Variants in ARFGEF1 observed in about 807,000 individuals in gnomAD.
ARFGEF1 encodes brefeldin A-inhibited guanine nucleotide-exchange protein 1.
Under a neutral mutation model 231.0 loss-of-function variants are expected in ARFGEF1, and 42 were observed. The observed-to-expected ratio is 0.18, with a 90% CI of 0.14 to 0.24. The LOEUF (loss-of-function observed/expected upper bound fraction) is 0.24. Ranked by LOEUF, ARFGEF1 falls within the 10% of genes least tolerant of loss-of-function variation. The pLI is 1.00. For missense variants in ARFGEF1, 1,345 were observed against 2,192.0 expected (o/e 0.61, Z 7.72); for synonymous variants, 710 against 732.3 (o/e 0.97, Z 0.49).
chr8:67,299,788 G>C (rs1419369952), intron 3 of ARFGEF1, among the ~76,000 whole-genome samples: 1 of 152,050 alleles, frequency 6.6e-6, no homozygotes, highest in Non-Finnish European at 1.5e-5. Flanking sequence ...TGGCAACACA[G>C]GGAAAGCCCA....
chr8:67,302,387 C>T (rs1333748718), intron 2 of ARFGEF1, 49 bp downstream of exon 2: 1 of 1,485,094 alleles, frequency 6.7e-7, no homozygotes, highest in Non-Finnish European at 9.1e-7. Context: ...TTGACCAAGA[C>T]TGACAAGTTT....
At chr8:67,277,965 T>C (rs972811868) in intron 7 of ARFGEF1, among the ~76,000 whole-genome samples, 1 of 152,054 alleles carries the variant, frequency 6.6e-6, no homozygotes, top group African/African-American at 2.4e-5. Flanking sequence ...AGAATTCCTA[T>C]GAATATCTCT....
At chr8:67,222,937 A>G (rs1212670522) in intron 29 of ARFGEF1, among the ~76,000 whole-genome samples, 3 of 152,202 alleles carry the variant, frequency 2.0e-5, no homozygotes, top group Admixed American at 6.5e-5. Context: ...AGCTGCCTAC[A>G]GTACAGTAAC....
intron 22 of ARFGEF1, among the ~76,000 whole-genome samples, chr8:67,236,365 A>AAAAT (rs1554638966): frequency 3.1e-4 from 9 of 29,062 alleles, no homozygotes; most frequent in Non-Finnish European, 4.2e-4. Context: ...AAAAAAAAAA[A>AAAAT]ATATATATAT....
intron 1 of ARFGEF1, among the ~76,000 whole-genome samples, chr8:67,312,986 G>T (rs930002471): frequency 6.6e-6 from 1 of 152,164 alleles, no homozygotes; most frequent in Non-Finnish European, 1.5e-5. Flanking sequence ...CCACATAAAT[G>T]CATGAAAATG....
At position 67,201,616 on chromosome 8, in the gene ARFGEF1, G is replaced by A; in HGVS notation, c.5129-11C>T. On this transcript the variant is annotated splice_polypyrimidine_tract_variant and intron_variant, in intron 36 of 38. Coordinates refer to ENST00000262215, the MANE Select transcript of ARFGEF1 (RefSeq NM_006421.5). ...ATTTGCCTTTGAATCCTGCAGAAAA[G>A]GGAAGTTTCTGGGATTAGTTTGGGA... is the stretch of plus-strand genomic sequence containing the variant. The A allele has an allele frequency of 6.2e-7, 1 of 1,612,844 alleles. No individual in the cohort carries two copies. Among genetic ancestry groups the A allele is most frequent in the Non-Finnish European group, 8.5e-7 (1 of 1,179,754 alleles).
intron 10 of ARFGEF1, among the ~76,000 whole-genome samples, chr8:67,270,457 G>A (rs1375987517): frequency 6.6e-6 from 1 of 151,938 alleles, no homozygotes; most frequent in South Asian, 2.1e-4. Flanking sequence ...TAACAAGCTA[G>A]TGAATTATGA....
At chr8:67,253,952 T>C (rs557768625) in intron 17 of ARFGEF1, among the ~76,000 whole-genome samples, 1 of 152,328 alleles carries the variant, frequency 6.6e-6, no homozygotes, top group East Asian at 1.9e-4. Context: ...ATGACAATTA[T>C]TGGAAATAAA....
chr8:67,281,426 A>G (rs1805531763), intron 7 of ARFGEF1, among the ~76,000 whole-genome samples: 1 of 152,172 alleles, frequency 6.6e-6, no homozygotes, highest in South Asian at 2.1e-4. Flanking sequence ...AAAAGATAAA[A>G]GCATCTTTTA....
chr8:67,268,020 G>A (rs764224397), intron 10 of ARFGEF1, among the ~76,000 whole-genome samples: 2 of 152,138 alleles, frequency 1.3e-5, no homozygotes, highest in Non-Finnish European at 2.9e-5. Flanking sequence ...CAAGCAGTGA[G>A]TTAATCAACC....
chr8:67,276,894 C>T (rs1002787520), intron 8 of ARFGEF1, among the ~76,000 whole-genome samples: 32 of 152,174 alleles, frequency 2.1e-4, no homozygotes, highest in African/African-American at 7.5e-4. Flanking sequence ...GACCTCTGAG[C>T]GTCATCTTGG....
At chr8:67,257,960 G>T in intron 16 of ARFGEF1, 125 bp downstream of exon 16, 2 of 1,185,128 alleles carry the variant, frequency 1.7e-6, no homozygotes, top group Non-Finnish European at 2.4e-6. Context: ...ACGACTTCCA[G>T]ATTGTAGACA....
At chr8:67,195,350 TACCTGAGCC>T, downstream of ARFGEF1, 1 of 1,483,300 alleles carries the variant, frequency 6.7e-7, no homozygotes, top group Middle Eastern at 2.0e-4. Flanking sequence ...CCACCTGTGT[TACCTGAGCC>T]ACGTGTCCCT....
intron 1 of ARFGEF1, among the ~76,000 whole-genome samples, chr8:67,337,882 T>G (rs1281684907): frequency 6.6e-6 from 1 of 152,234 alleles, no homozygotes; most frequent in East Asian, 1.9e-4. Flanking sequence ...TTCACTGCTG[T>G]ATACCCAGCA....
chr8:67,254,138 G>A (rs959101385), intron 17 of ARFGEF1, among the ~76,000 whole-genome samples: 2 of 152,190 alleles, frequency 1.3e-5, no homozygotes, highest in Admixed American at 6.5e-5. Context: ...CAGGTGATCT[G>A]TACAAAGTAT....
intron 30 of ARFGEF1, among the ~76,000 whole-genome samples, chr8:67,218,727 G>A (rs1839043233): frequency 6.6e-6 from 1 of 151,878 alleles, no homozygotes; most frequent in South Asian, 2.1e-4. Context: ...AAGCTCTCTT[G>A]ACACATTTCC....
intron 35 of ARFGEF1, among the ~76,000 whole-genome samples, chr8:67,204,184 TTC>T (rs142381896): frequency 1.3e-5 from 2 of 151,848 alleles, no homozygotes; most frequent in African/African-American, 4.8e-5. Flanking sequence ...ACATTCTCTC[TTC>T]TCTCTCTCTC....
intron 14 of ARFGEF1, among the ~76,000 whole-genome samples, chr8:67,261,398 T>C (rs1804616174): frequency 6.6e-6 from 1 of 152,170 alleles, no homozygotes. Flanking sequence ...CCCAGGGTCC[T>C]TAAGAATTAC....
intron 20 of ARFGEF1, among the ~76,000 whole-genome samples, chr8:67,239,668 T>C (rs1480022800): frequency 1.3e-5 from 2 of 152,192 alleles, no homozygotes; most frequent in Non-Finnish European, 2.9e-5. Context: ...TAATTAAATG[T>C]TGAATGAATT....
Sources: gnomAD v4.1 joint callset for allele counts (sites outside exome capture counted in the v4.1 genomes callset) on GRCh38, gnomAD v4.1.1 for gene constraint, MANE v1.5 for transcripts, NCBI Gene and HGNC (gene_info 2026-07-23, HGNC 2026-07-21) for gene names.